Variants in STON2 observed in about 807,000 individuals in gnomAD.
STON2 encodes the protein stonin-2.
A neutral mutation model predicts 65.7 loss-of-function variants in STON2; 29 were observed. That is an observed-to-expected ratio of 0.44 (90% CI 0.33 to 0.60). The LOEUF is 0.60. Ranked by LOEUF, STON2 falls within the 20% of genes least tolerant of loss-of-function variation. The pLI, the probability that STON2 is intolerant of heterozygous loss-of-function variation, is 0.03. For synonymous variants in STON2, 404 were observed against 414.2 expected, an observed-to-expected ratio of 0.98 and a Z score of 0.30; for missense variants, 1,054 against 1,118.1, an observed-to-expected ratio of 0.94 and a Z score of 0.82.
intron 4 of STON2, among the ~76,000 whole-genome samples, chr14:81,336,309 C>T (rs1466068830): frequency 6.6e-6 from 1 of 151,962 alleles, no homozygotes; most frequent in African/African-American, 2.4e-5. Flanking sequence ...GGTGGGTATC[C>T]TTGTTACCAC....
chr14:81,352,057 T>C (rs116083932), intron 4 of STON2, among the ~76,000 whole-genome samples: 2 of 152,268 alleles, frequency 1.3e-5, no homozygotes, highest in African/African-American at 2.4e-5. Context: ...TTATCTAATA[T>C]TAAAAACTAA....
chr14:81,359,119 A>T (rs1489419177), intron 4 of STON2, among the ~76,000 whole-genome samples: 1 of 152,206 alleles, frequency 6.6e-6, no homozygotes, highest in Admixed American at 6.5e-5. Flanking sequence ...AACATTATCC[A>T]GTATAGATCA....
chr14:81,378,144 C>A (rs1417354503), intron 3 of STON2, among the ~76,000 whole-genome samples: 1 of 151,946 alleles, frequency 6.6e-6, no homozygotes, highest in Admixed American at 6.6e-5. Flanking sequence ...CCACACCCAG[C>A]CTAGCCCATT....
chr14:81,327,626 T>C (rs1198302505), intron 4 of STON2, among the ~76,000 whole-genome samples: 1 of 152,206 alleles, frequency 6.6e-6, no homozygotes, highest in Non-Finnish European at 1.5e-5. Flanking sequence ...AATGATTTTC[T>C]TCCATTTCTT....
chr14:81,322,189 A>G (rs1397787494), intron 5 of STON2, among the ~76,000 whole-genome samples: 1 of 151,934 alleles, frequency 6.6e-6, no homozygotes, highest in Non-Finnish European at 1.5e-5. Flanking sequence ...ACTCTTCTAA[A>G]CTGTATTCTA....
chr14:81,363,299 T>C (rs1480364677), intron 4 of STON2, among the ~76,000 whole-genome samples: 1 of 152,162 alleles, frequency 6.6e-6, no homozygotes, highest in Non-Finnish European at 1.5e-5. Context: ...CAATTACACA[T>C]AGAAACAATT....
chr14:81,406,517 T>C (rs942314356), intron 2 of STON2, among the ~76,000 whole-genome samples: 2 of 152,180 alleles, frequency 1.3e-5, no homozygotes, highest in African/African-American at 4.8e-5. Context: ...CTGTGACAGA[T>C]ACTGTATGGC....
At chr14:81,435,074 C>T (rs902830812) in intron 1 of STON2, among the ~76,000 whole-genome samples, 8 of 152,256 alleles carry the variant, frequency 5.3e-5, no homozygotes, top group African/African-American at 1.9e-4. Flanking sequence ...GAAAGGTGAA[C>T]ACTTAACAAA....
intron 5 of STON2, among the ~76,000 whole-genome samples, chr14:81,294,703 T>C (rs930115558): frequency 6.6e-6 from 1 of 152,178 alleles, no homozygotes; most frequent in Non-Finnish European, 1.5e-5. Flanking sequence ...TGTGGGGCCT[T>C]TGATAAAGTC....
chr14:81,344,831 A>C (rs867854322), intron 4 of STON2, among the ~76,000 whole-genome samples: 6 of 152,238 alleles, frequency 3.9e-5, no homozygotes, highest in Middle Eastern at 6.3e-3. Context: ...ATTGGGATTA[A>C]ATGATGTTTT....
intron 5 of STON2, among the ~76,000 whole-genome samples, chr14:81,291,828 A>G (rs1337957716): frequency 6.6e-6 from 1 of 150,766 alleles, no homozygotes; most frequent in Non-Finnish European, 1.5e-5. Flanking sequence ...TGCTTAGTAT[A>G]CTAGGCATGT....
At chr14:81,403,672 G>C (rs576516581), upstream of STON2, among the ~76,000 whole-genome samples, 67 of 152,226 alleles carry the variant, frequency 4.4e-4, no homozygotes, top group African/African-American at 1.6e-3. Context: ...CTGCCGGCTA[G>C]GTCCTATGGC....
In STON2 at chr14:81,264,219, C is replaced by T; in HGVS notation, c.*4195G>A. 2.0e-6 allele frequency: 2 copies of T among 985,410 alleles called. No homozygotes were observed. Among genetic ancestry groups the T allele is most frequent in the Non-Finnish European group, 2.4e-6 (2 of 829,922 alleles). The allele number at this position is 985,410 out of a possible 1,614,324, so 61.0% of individuals were successfully genotyped here. A position where few individuals can be genotyped will look rare whatever the true frequency, so the allele number is the denominator to read the frequency against. ...AATGTGAATGAGGTACATTGTAGTTCAAATTCAGCAGCATATTAAGTGCCT... is the reference window on the plus strand; with the variant it reads ...AATGTGAATGAGGTACATTGTAGTTTAAATTCAGCAGCATATTAAGTGCCT... On this transcript the variant is annotated 3_prime_UTR_variant, in exon 8 of 8. Coordinates refer to ENST00000614646, the MANE Select transcript of STON2 (RefSeq NM_001394390.1).
intron 2 of STON2, among the ~76,000 whole-genome samples, chr14:81,411,749 A>G (rs1236097548): frequency 1.3e-5 from 2 of 152,372 alleles, no homozygotes; most frequent in South Asian, 2.1e-4. Context: ...TAAATTTTAA[A>G]AAGTAAATGA....
Position 81,265,765 on chromosome 14 carries a change from CAAAA to C in STON2, c.*2645_*2648del, listed in dbSNP as rs1045395101. 6 of 982,962 alleles carry C rather than the reference CAAAA, an allele frequency of 6.1e-6. No individual in the cohort carries two copies. The highest frequency in any genetic ancestry group is 7.2e-6 in the Non-Finnish European group (6 of 829,092). The allele number at this position is 982,962 out of a possible 1,614,324, so 60.9% of individuals were successfully genotyped here. On this transcript the variant is annotated 3_prime_UTR_variant, in exon 8 of 8. Coordinates refer to ENST00000614646, the MANE Select transcript of STON2 (RefSeq NM_001394390.1). ...TTTTCCCAACTCTTGGTAAAAAAAA[CAAAA>C]AAGTCCAGGTGCATGTACACAGGAA...
At chr14:81,308,376 G>A (rs7144916) in intron 5 of STON2, among the ~76,000 whole-genome samples, 12,909 of 152,020 alleles carry the variant, frequency 0.085, 669 homozygotes, top group East Asian at 0.17. Flanking sequence ...GCTAATTTTT[G>A]TATTTTTAGT....
At chr14:81,414,096 G>A (rs1238595823) in intron 2 of STON2, among the ~76,000 whole-genome samples, 1 of 139,588 alleles carries the variant, frequency 7.2e-6, no homozygotes, top group African/African-American at 2.9e-5. Context: ...TGTCTCACAG[G>A]AGGGAGGACA....
At chr14:81,304,186 G>T (rs2140191293) in intron 5 of STON2, among the ~76,000 whole-genome samples, 1 of 152,206 alleles carries the variant, frequency 6.6e-6, no homozygotes, top group Non-Finnish European at 1.5e-5. Context: ...TGAGACCAGG[G>T]TTTTGTACAT....
intron 7 of STON2, chr14:81,269,894 C>T (rs1894503433): frequency 2.0e-6 from 2 of 985,332 alleles, no homozygotes; most frequent in Non-Finnish European, 2.4e-6. Context: ...TAAACATTTG[C>T]TTGGCTTTTG....
Sources: gnomAD v4.1 joint callset for allele counts (sites outside exome capture counted in the v4.1 genomes callset) on GRCh38, gnomAD v4.1.1 for gene constraint, MANE v1.5 for transcripts, NCBI Gene and HGNC (gene_info 2026-07-23, HGNC 2026-07-21) for gene names.